Variants in IL18R1 observed in about 807,000 individuals in gnomAD.
IL18R1 encodes interleukin 18 receptor 1.
IL18R1 carries 40 observed loss-of-function variants against 48.5 expected under a neutral mutation model. The ratio of observed to expected loss-of-function variants is 0.82; its 90% CI spans 0.64 to 1.07. The LOEUF (loss-of-function observed/expected upper bound fraction) is 1.07. IL18R1 is among the 50% of genes least tolerant of loss of function. The pLI is 0.00. For synonymous variants in IL18R1, 232 were observed against 225.9 expected (o/e 1.03, Z -0.24); for missense variants, 596 against 633.7 (o/e 0.94, Z 0.64).
intron 1 of IL18R1, among the ~76,000 whole-genome samples, chr2:102,361,806 G>T (rs1678590149): frequency 6.6e-6 from 1 of 152,102 alleles, no homozygotes; most frequent in Non-Finnish European, 1.5e-5. Flanking sequence ...CCACTGTGGG[G>T]GATCCTTCCT....
At position 102,394,451 on chromosome 2, in the gene IL18R1, G is replaced by T; in HGVS notation, c.1112-18G>T. On this transcript the variant is annotated intron_variant, in intron 9 of 10. Transcript: ENST00000233957. ...TTTTATTTACACATGAATTAAAAGA[G>T]CCAATCTTACCTCCTAGATGGAAAA... is the stretch of plus-strand genomic sequence containing the variant. The T allele has an allele frequency of 6.3e-7, 1 of 1,582,948 alleles. No individual in the cohort carries two copies. The highest frequency in any genetic ancestry group is 1.8e-5 in the Admixed American group (1 of 56,054).
At chr2:102,367,693 A>G in intron 2 of IL18R1, 132 bp from the exon 3 acceptor site, 1 of 730,780 alleles carries the variant, frequency 1.4e-6, no homozygotes, top group Non-Finnish European at 2.2e-6. Flanking sequence ...CCCACAGGAA[A>G]TTGACACCGA....
At chr2:102,367,081 A>G (rs1344572809) in intron 2 of IL18R1, among the ~76,000 whole-genome samples, 1 of 152,160 alleles carries the variant, frequency 6.6e-6, no homozygotes, top group Non-Finnish European at 1.5e-5. Flanking sequence ...ATTAATGCTG[A>G]ACTTGAAGTA....
intron 10 of IL18R1, 124 bp from the exon 11 acceptor site, chr2:102,396,407 C>T (rs1680827698): frequency 1.8e-6 from 1 of 565,674 alleles, no homozygotes; most frequent in South Asian, 2.8e-5. Flanking sequence ...AATGGTTTGT[C>T]TTAAAGAAAA....
At chr2:102,377,301 C>A (rs1262539058) in intron 5 of IL18R1, among the ~76,000 whole-genome samples, 2 of 152,082 alleles carry the variant, frequency 1.3e-5, no homozygotes, top group Non-Finnish European at 2.9e-5. Context: ...AAATGCGTTT[C>A]TTTTATTTTT....
intron 5 of IL18R1, among the ~76,000 whole-genome samples, chr2:102,376,699 T>A (rs928033343): frequency 2.0e-5 from 3 of 152,192 alleles, no homozygotes; most frequent in African/African-American, 4.8e-5. Context: ...AGGGGAGGGA[T>A]GATGGACCCA....
At chr2:102,361,411 C>A (rs1678566640) in intron 1 of IL18R1, among the ~76,000 whole-genome samples, 1 of 152,142 alleles carries the variant, frequency 6.6e-6, no homozygotes, top group Admixed American at 6.5e-5. Flanking sequence ...AATGGTTTGG[C>A]AGCTTAGCCA....
intron 7 of IL18R1, among the ~76,000 whole-genome samples, 169 bp downstream of exon 7, chr2:102,385,167 C>T (rs188808538): frequency 2.6e-4 from 39 of 152,038 alleles, no homozygotes; most frequent in East Asian, 2.5e-3. Flanking sequence ...CCTAGGTGGA[C>T]GCATTATGCA....
chr2:102,397,304 A>C lies in IL18R1; in HGVS notation c.*418A>C. On this transcript the variant is annotated 3_prime_UTR_variant, in exon 11 of 11. Transcript: ENST00000233957. ...GTGTCTGAAGAGGCATTTTCTAGGG[A>C]CCAGTGGGTGACTGAGTAACTGAAA... 1 of 161,442 alleles carries C rather than the reference A, an allele frequency of 6.2e-6. No individual in the cohort carries two copies. 10.0% of individuals were successfully genotyped at this position (161,442 alleles called of 1,614,324 possible). A position where few individuals can be genotyped will look rare whatever the true frequency, so the allele number is the denominator to read the frequency against.
intron 2 of IL18R1, among the ~76,000 whole-genome samples, chr2:102,364,570 T>G (rs1356982031): frequency 6.6e-6 from 1 of 152,200 alleles, no homozygotes; most frequent in Non-Finnish European, 1.5e-5. Flanking sequence ...TGTTGAAGTA[T>G]TAGTATAAAA....
In IL18R1 at chr2:102,371,316, C is replaced by A. The variant is rs575222027; in HGVS notation, c.303-637C>A. 3.9e-5 allele frequency among the ~76,000 whole-genome samples: 6 copies of A among 152,274 alleles called. No homozygotes were observed. The South Asian group carries it at 1.2e-3, about 32-fold the overall frequency. ...CTGGGATTACAGGTGTGAGCCACTG[C>A]ACCTGGCCTAGTGATAGTCCTGATC... is the stretch of plus-strand genomic sequence containing the variant. On this transcript the variant is annotated intron_variant, in intron 3 of 10. Transcript: ENST00000233957.
chr2:102,384,339 C>T (rs929546769), intron 6 of IL18R1, among the ~76,000 whole-genome samples: 7 of 152,192 alleles, frequency 4.6e-5, no homozygotes, highest in African/African-American at 9.6e-5. Flanking sequence ...GTGCAGCTGC[C>T]GAGAGCTTCA....
intron 1 of IL18R1, among the ~76,000 whole-genome samples, chr2:102,362,328 A>G (rs1229096897): frequency 6.6e-6 from 1 of 152,210 alleles, no homozygotes; most frequent in Non-Finnish European, 1.5e-5. Context: ...TAGCAGTACT[A>G]TTGTTCTGAA....
In IL18R1 at chr2:102,396,984, CTT is replaced by C. The variant is rs1214049638; in HGVS notation, c.*100_*101del. ...AAAGGCTGTGACTCGAAATAATTAA[CTT>C]TGTCAAAATCCTGCTCACAATTTGA... is the stretch of plus-strand genomic sequence containing the variant. On this transcript the variant is annotated 3_prime_UTR_variant, in exon 11 of 11. Transcript: ENST00000233957. 4 of 725,420 alleles carry C rather than the reference CTT, an allele frequency of 5.5e-6. No homozygotes were observed. The highest frequency in any genetic ancestry group is 9.0e-6 in the Non-Finnish European group (4 of 445,714). The allele number at this position is 725,420 out of a possible 1,614,324, so 44.9% of individuals were successfully genotyped here.
chr2:102,377,295 G>A (rs1469432637), intron 5 of IL18R1, among the ~76,000 whole-genome samples: 1 of 152,130 alleles, frequency 6.6e-6, no homozygotes, highest in African/African-American at 2.4e-5. Context: ...AGGGGAAAAT[G>A]CGTTTCTTTT....
rs538915024 is a variant in IL18R1, at chr2:102,397,127, C to T, written c.*241C>T. 944 of 436,336 alleles carry T rather than the reference C, an allele frequency of 2.2e-3. 3 individuals carry two copies. Among genetic ancestry groups the T allele is most frequent in the Non-Finnish European group, 3.2e-3 (792 of 248,042 alleles). The allele number at this position is 436,336 out of a possible 1,614,324, so 27.0% of individuals were successfully genotyped here. On this transcript the variant is annotated 3_prime_UTR_variant, in exon 11 of 11. Transcript: ENST00000233957. The stretch of plus-strand genomic sequence containing the variant: ...AAGAAATGGAGCTATTCTTTTTCTC[C>T]CTCTTTCATAACTGGATGCAGCTGC...
chr2:102,392,542 C>T (rs955145926), intron 9 of IL18R1, among the ~76,000 whole-genome samples: 4 of 152,090 alleles, frequency 2.6e-5, no homozygotes, highest in Non-Finnish European at 4.4e-5. Flanking sequence ...GGTCCATGAA[C>T]AAATGCAGTC....
chr2:102,389,675 GCT>G (rs1335708338), intron 8 of IL18R1, among the ~76,000 whole-genome samples: 2 of 152,090 alleles, frequency 1.3e-5, no homozygotes, highest in Non-Finnish European at 2.9e-5. Flanking sequence ...TCAATCCAGT[GCT>G]CTCTCTCTTC....
At position 102,367,956 on chromosome 2, in the gene IL18R1, G is replaced by C. The variant is rs776795173; in HGVS notation, c.190G>C (p.Glu64Gln). 1 of 1,614,224 alleles carries C rather than the reference G, an allele frequency of 6.2e-7. No homozygotes were observed. The highest frequency in any genetic ancestry group is 8.5e-7 in the Non-Finnish European group (1 of 1,180,046). ...CTGGTACAAAAGCAGTGGATCACAG[G>C]AACATGTGGAGCTGAACCCAAGGAG... ...KSWYKSSGSQ[E>Q]HVELNPRSSS... Residue 64 changes from glutamate to glutamine, a missense_variant, in exon 3 of 11, where the codon GAA (glutamate) becomes CAA (glutamine). Physicochemically the swap from Glu to Gln is conservative, Grantham distance 29 (BLOSUM62 2). Around this residue, in one of 3 missense-constraint regions of IL18R1, gnomAD observed 360 missense variants for 339.4 expected, o/e 1.06. Transcript: ENST00000233957.
Sources: allele counts gnomAD v4.1 joint callset (sites outside exome capture counted in the v4.1 genomes callset), GRCh38; gene constraint gnomAD v4.1.1; regional missense constraint gnomAD v4.1.1; transcripts MANE v1.5; gene names NCBI Gene and HGNC (gene_info 2026-07-23, HGNC 2026-07-21).